Variants in ERBB4 observed in about 807,000 individuals in gnomAD.
ERBB4 encodes erb-b2 receptor tyrosine kinase 4.
A neutral mutation model predicts 158.0 loss-of-function variants in ERBB4; 42 were observed. The ratio of observed to expected loss-of-function variants is 0.27; its 90% CI spans 0.21 to 0.34. The LOEUF is 0.34. ERBB4 is among the 10% of genes least tolerant of loss of function. The pLI is 1.00. For missense variants in ERBB4, 1,333 were observed against 1,624.1 expected, an observed-to-expected ratio of 0.82 and a Z score of 3.08; for synonymous variants, 583 against 558.7, an observed-to-expected ratio of 1.04 and a Z score of -0.61.
chr2:212,355,420 G>C (rs1055812037), intron 1 of ERBB4, among the ~76,000 whole-genome samples: 8 of 151,934 alleles, frequency 5.3e-5, no homozygotes, highest in African/African-American at 1.2e-4. Flanking sequence ...GAAATAAAAG[G>C]GTCTTGATCT....
chr2:211,450,200 G>A (rs1055356725), intron 20 of ERBB4, among the ~76,000 whole-genome samples: 15 of 152,150 alleles, frequency 9.9e-5, no homozygotes, highest in African/African-American at 3.6e-4. Flanking sequence ...AGCTAATGGA[G>A]GTGGGCAGAA....
At chr2:212,430,082 T>C (rs1466313128) in intron 1 of ERBB4, among the ~76,000 whole-genome samples, 1 of 152,174 alleles carries the variant, frequency 6.6e-6, no homozygotes, top group African/African-American at 2.4e-5. Context: ...TTTCCTAAAA[T>C]GCAACTGGTA....
intron 2 of ERBB4, among the ~76,000 whole-genome samples, chr2:212,003,177 G>GAAAGA (rs1559292877): frequency 2.9e-4 from 14 of 47,694 alleles, no homozygotes; most frequent in Middle Eastern, 0.018. Context: ...AAGAAAGAAA[G>GAAAGA]AAAGAAAGAA....
chr2:212,363,761 A>C (rs1325071892), intron 1 of ERBB4, among the ~76,000 whole-genome samples: 1 of 151,732 alleles, frequency 6.6e-6, no homozygotes. Flanking sequence ...AAACGGATTT[A>C]CACTACTTCA....
At chr2:211,705,626 T>G (rs1048813801) in intron 9 of ERBB4, among the ~76,000 whole-genome samples, 1 of 152,170 alleles carries the variant, frequency 6.6e-6, no homozygotes, top group Non-Finnish European at 1.5e-5. Context: ...ATCTATAAGA[T>G]TATTCAGCTT....
chr2:212,457,764 A>G (rs553723668), intron 1 of ERBB4, among the ~76,000 whole-genome samples: 8 of 152,162 alleles, frequency 5.3e-5, no homozygotes, highest in Non-Finnish European at 1.0e-4. Context: ...ATTGACTAGA[A>G]TTAGGCCTAT....
At chr2:212,331,829 T>C (rs772260995) in intron 1 of ERBB4, among the ~76,000 whole-genome samples, 23 of 152,168 alleles carry the variant, frequency 1.5e-4, no homozygotes, top group South Asian at 8.3e-4. Context: ...ACCTGCTGTA[T>C]TAAATAGGAA....
intron 3 of ERBB4, among the ~76,000 whole-genome samples, chr2:211,792,718 T>C (rs966614168): frequency 6.6e-6 from 1 of 151,874 alleles, no homozygotes; most frequent in African/African-American, 2.4e-5. Context: ...AAACTGCCAA[T>C]ATGACATTTG....
intron 2 of ERBB4, among the ~76,000 whole-genome samples, chr2:212,026,853 T>C (rs557246362): frequency 1.3e-5 from 2 of 151,990 alleles, no homozygotes; most frequent in South Asian, 4.1e-4. Context: ...CAAGTCTTCC[T>C]AGTTTTTTCA....
At chr2:211,875,025 C>CAAAA (rs746636278) in intron 3 of ERBB4, among the ~76,000 whole-genome samples, 618 of 26,352 alleles carry the variant, frequency 0.023, 5 homozygotes, top group East Asian at 0.045. Flanking sequence ...AATAGAAATG[C>CAAAA]AAAAAAAAAA....
At chr2:211,681,941 TAG>T (rs890272664) in intron 12 of ERBB4, among the ~76,000 whole-genome samples, 1 of 152,076 alleles carries the variant, frequency 6.6e-6, no homozygotes, top group African/African-American at 2.4e-5. Flanking sequence ...CTAAGTTTTA[TAG>T]GTTTCACAAT....
intron 1 of ERBB4, among the ~76,000 whole-genome samples, chr2:212,286,901 G>A (rs1253096889): frequency 3.3e-5 from 5 of 150,794 alleles, no homozygotes; most frequent in African/African-American, 2.4e-5. Context: ...GTGAGCCACC[G>A]TGCACAGCCA....
At chr2:211,416,521 A>T (rs1446858857) in intron 25 of ERBB4, among the ~76,000 whole-genome samples, 1 of 152,224 alleles carries the variant, frequency 6.6e-6, no homozygotes, top group Non-Finnish European at 1.5e-5. Flanking sequence ...AAACCTCCTT[A>T]TCTACAATAA....
intron 1 of ERBB4, among the ~76,000 whole-genome samples, chr2:212,220,466 G>T (rs1198976935): frequency 6.6e-6 from 1 of 151,324 alleles, no homozygotes; most frequent in Non-Finnish European, 1.5e-5. Flanking sequence ...TTATTTCCCA[G>T]CCTAAGAGTT....
intron 5 of ERBB4, among the ~76,000 whole-genome samples, chr2:211,749,067 A>C (rs1440069304): frequency 6.6e-6 from 1 of 152,020 alleles, no homozygotes; most frequent in African/African-American, 2.4e-5. Flanking sequence ...TCTATTAAAT[A>C]AGTTAATTTA....
chr2:211,551,191 G>A (rs1413545015), intron 20 of ERBB4, among the ~76,000 whole-genome samples: 1 of 152,112 alleles, frequency 6.6e-6, no homozygotes, highest in Non-Finnish European at 1.5e-5. Flanking sequence ...AGTCACTGAA[G>A]CTATTTACTG....
At chr2:211,894,142 CAA>C (rs2079041451) in intron 3 of ERBB4, among the ~76,000 whole-genome samples, 1 of 103,512 alleles carries the variant, frequency 9.7e-6, no homozygotes, top group Non-Finnish European at 1.9e-5. Context: ...TTCACAATAG[CAA>C]AGACTTGGAA....
intron 1 of ERBB4, among the ~76,000 whole-genome samples, chr2:212,188,804 TC>T (rs1438555156): frequency 6.6e-6 from 1 of 152,010 alleles, no homozygotes; most frequent in African/African-American, 2.4e-5. Flanking sequence ...GACATAGTCT[TC>T]CATAGACTCA....
chr2:212,004,411 T>G (rs185599289), intron 2 of ERBB4, among the ~76,000 whole-genome samples: 6 of 152,300 alleles, frequency 3.9e-5, no homozygotes, highest in African/African-American at 1.4e-4. Context: ...CTGAACCACA[T>G]TAGACATCCC....
Sources: gnomAD v4.1 joint callset for allele counts (sites outside exome capture counted in the v4.1 genomes callset) on GRCh38, gnomAD v4.1.1 for gene constraint, MANE v1.5 for transcripts, NCBI Gene and HGNC (gene_info 2026-07-23, HGNC 2026-07-21) for gene names.